SETD2: variants seen among roughly 807,000 people sequenced by gnomAD.
The protein encoded by SETD2 is SET domain containing 2, histone lysine methyltransferase.
A neutral mutation model predicts 242.1 loss-of-function variants in SETD2; 31 were observed. The observed-to-expected ratio is 0.13, with a 90% CI of 0.10 to 0.17. The LOEUF is 0.17. SETD2 is among the 10% of genes least tolerant of loss of function. The probability of loss-of-function intolerance (pLI) is 1.00; values close to 1 mark genes in which losing one functional copy is unlikely to be tolerated. For missense variants in SETD2, 2,481 were observed against 3,046.3 expected (o/e 0.81, Z 4.37); for synonymous variants, 1,006 against 1,066.5 (o/e 0.94, Z 1.11).
At chr3:47,089,724 G>A (rs138087742) in intron 9 of SETD2, among the ~76,000 whole-genome samples, 1 of 152,106 alleles carries the variant, frequency 6.6e-6, no homozygotes, top group African/African-American at 2.4e-5. Flanking sequence ...AACCAAACAA[G>A]GAAGCATTAA....
chr3:47,125,291 C>T (rs2043283396), intron 2 of SETD2, among the ~76,000 whole-genome samples: 1 of 151,544 alleles, frequency 6.6e-6, no homozygotes, highest in African/African-American at 2.4e-5. Context: ...AGAACTCCAA[C>T]CTGGGCAACA....
At chr3:47,108,475 C>A (rs2042527455) in intron 5 of SETD2, among the ~76,000 whole-genome samples, 1 of 152,116 alleles carries the variant, frequency 6.6e-6, no homozygotes, top group South Asian at 2.1e-4. Flanking sequence ...TCAATTACAG[C>A]CTGGGATTCA....
chr3:47,018,235 A>C (rs990314141), intron 19 of SETD2, among the ~76,000 whole-genome samples: 1 of 152,170 alleles, frequency 6.6e-6, no homozygotes, highest in Non-Finnish European at 1.5e-5. Flanking sequence ...TGGAAGCATG[A>C]TATGACAGCC....
In SETD2 at chr3:47,122,276, T is replaced by C. The variant is rs770560635; in HGVS notation, c.2360A>G (p.Lys787Arg). 6.2e-7 allele frequency: 1 copy of C among 1,614,160 alleles called. No homozygotes were observed. Among genetic ancestry groups the C allele is most frequent in the Non-Finnish European group, 8.5e-7 (1 of 1,180,000 alleles). Reference protein sequence around the residue: ...EPVDTRVSCCKTKDSDIYCTL... With the variant: ...EPVDTRVSCCRTKDSDIYCTL... ...ACAGTATATGTCTGAATCTTTGGTT[T>C]TGCAGCAAGAAACCCTCGTATCAAC... Residue 787 changes from lysine (K) to arginine (R), a missense_variant, in exon 3 of 21, where the codon AAA becomes AGA. Transcript: ENST00000409792.
chr3:47,060,909 A>C (rs2040302212), intron 14 of SETD2, among the ~76,000 whole-genome samples: 1 of 152,222 alleles, frequency 6.6e-6, no homozygotes, highest in Non-Finnish European at 1.5e-5. Flanking sequence ...TAATTCAATG[A>C]ATGAACAACA....
intron 5 of SETD2, among the ~76,000 whole-genome samples, chr3:47,107,462 T>C (rs1219900425): frequency 1.4e-5 from 2 of 140,098 alleles, no homozygotes; most frequent in Non-Finnish European, 2.9e-5. Flanking sequence ...ATAGTGGATG[T>C]ATATATATAT....
chr3:47,096,332 A>T lies in SETD2; in HGVS notation c.5142+1623T>A, dbSNP rs192832195. On this transcript the variant is annotated intron_variant, in intron 9 of 20. Transcript: ENST00000409792. Reference sequence around the variant, plus strand: ...AGATCATTACCTAATTTATGAGCTTATTGTGAGAATTAAATGAGCTAATAC... The same window carrying T: ...AGATCATTACCTAATTTATGAGCTTTTTGTGAGAATTAAATGAGCTAATAC... 3.3e-5 allele frequency among the ~76,000 whole-genome samples: 5 copies of T among 152,334 alleles called. No individual in the cohort carries two copies. The East Asian group carries it at 9.6e-4, about 29-fold the overall frequency.
intron 18 of SETD2, among the ~76,000 whole-genome samples, chr3:47,026,747 G>C (rs2038497800): frequency 6.6e-6 from 1 of 151,994 alleles, no homozygotes; most frequent in African/African-American, 2.4e-5. Context: ...ATAAGTGGGA[G>C]TTGAACAATG....
At chr3:47,140,169 A>G (rs2043693213) in intron 1 of SETD2, among the ~76,000 whole-genome samples, 2 of 152,198 alleles carry the variant, frequency 1.3e-5, no homozygotes, top group Non-Finnish European at 2.9e-5. Flanking sequence ...CGGAATTCTA[A>G]TCAGTGAGGA....
chr3:47,031,822 A>G (rs759997655), intron 18 of SETD2, among the ~76,000 whole-genome samples: 2 of 152,246 alleles, frequency 1.3e-5, no homozygotes, highest in African/African-American at 4.8e-5. Flanking sequence ...AAATTAAGTT[A>G]AACTGAGAAA....
At position 47,122,761 on chromosome 3, in the gene SETD2, A is replaced by C. The variant is rs2043153099; in HGVS notation, c.1875T>G (p.Pro625=). ...PAPSNRLNDS[P]TLKKLDELPI... The stretch of plus-strand genomic sequence containing the variant: ...GCAATTCATCTAGCTTTTTTAAAGT[A>C]GGTGAATCATTTAATCGATTTGATG... The change falls in exon 3 of 21, where the codon CCT becomes CCG. Residue 625 remains proline, a synonymous_variant. Coordinates refer to ENST00000409792, the MANE Select transcript of SETD2 (RefSeq NM_014159.7). The C allele has an allele frequency of 6.2e-7, 1 of 1,610,500 alleles. No individual in the cohort carries two copies.
At chr3:47,150,028 CTT>C (rs71098457) in intron 1 of SETD2, among the ~76,000 whole-genome samples, 17 of 92,424 alleles carry the variant, frequency 1.8e-4, no homozygotes, top group Non-Finnish European at 2.4e-4. Flanking sequence ...TCCAAAAATA[CTT>C]TTTTTTTTTT....
chr3:47,119,568 T>C (rs1357431158), intron 3 of SETD2: 1 of 240,120 alleles, frequency 4.2e-6, no homozygotes, highest in African/African-American at 2.3e-5. Flanking sequence ...CAAGATCTGA[T>C]GGGTTTATCA....
chr3:47,110,347 A>T (rs942968101), intron 5 of SETD2, among the ~76,000 whole-genome samples: 7 of 152,344 alleles, frequency 4.6e-5, no homozygotes, highest in Non-Finnish European at 7.3e-5. Flanking sequence ...CACAGACAAA[A>T]GTGGCAGTTG....
intron 1 of SETD2, among the ~76,000 whole-genome samples, chr3:47,153,562 C>A (rs566301879): frequency 5.9e-5 from 9 of 152,178 alleles, no homozygotes; most frequent in African/African-American, 1.9e-4. Flanking sequence ...CCAGCTTGGG[C>A]AACATAGTAA....
rs967692998 is a variant in SETD2, at chr3:47,124,335, G to A, written c.301C>T (p.Pro101Ser). ...TGAAGAGGTACAGCTGGAGGGTTTGGAGTATCACTTTGCTTTTCATTGCCA... is the reference window on the plus strand; with the variant it reads ...TGAAGAGGTACAGCTGGAGGGTTTGAAGTATCACTTTGCTTTTCATTGCCA... Reference protein sequence around the residue: ...ALGNEKQSDTPNPPAVPLQVD... With the variant: ...ALGNEKQSDTSNPPAVPLQVD... Residue 101 changes from proline (P) to serine (S), a missense_variant, in exon 3 of 21, where the codon CCA becomes TCA. Around this residue, in one of 17 missense-constraint regions of SETD2, gnomAD observed 334 missense variants for 374.5 expected, o/e 0.89. Coordinates refer to ENST00000409792, the MANE Select transcript of SETD2 (RefSeq NM_014159.7). 3 of 1,551,628 alleles carry A rather than the reference G, an allele frequency of 1.9e-6. No homozygotes were observed. Among genetic ancestry groups the A allele is most frequent in the Admixed American group, 2.0e-5 (1 of 50,986 alleles).
At chr3:47,048,466 GAGTA>G (rs2039633794) in intron 15 of SETD2, among the ~76,000 whole-genome samples, 2 of 152,122 alleles carry the variant, frequency 1.3e-5, no homozygotes, top group African/African-American at 4.8e-5. Flanking sequence ...AAGTTGCTTT[GAGTA>G]AGTGAGTGGT....
intron 1 of SETD2, among the ~76,000 whole-genome samples, chr3:47,152,044 C>T (rs901195753): frequency 1.3e-5 from 2 of 152,010 alleles, no homozygotes; most frequent in African/African-American, 4.8e-5. Context: ...TGCTAATCTG[C>T]CAAAAAGTAT....
intron 12 of SETD2, 91 bp downstream of exon 12, chr3:47,083,629 A>G: frequency 8.4e-7 from 1 of 1,194,730 alleles, no homozygotes. Context: ...AGAAATATGC[A>G]TGGCTAAAAA....
Sources: allele counts gnomAD v4.1 joint callset (sites outside exome capture counted in the v4.1 genomes callset), GRCh38; gene constraint gnomAD v4.1.1; regional missense constraint gnomAD v4.1.1; transcripts MANE v1.5; gene names NCBI Gene and HGNC (gene_info 2026-07-23, HGNC 2026-07-21).